Variants in RABGAP1L observed in about 807,000 individuals in gnomAD.
RABGAP1L encodes rab GTPase-activating protein 1-like.
A neutral mutation model predicts 137.7 loss-of-function variants in RABGAP1L; 63 were observed. That is an observed-to-expected ratio of 0.46 (90% confidence interval 0.37 to 0.56). RABGAP1L has a LOEUF of 0.56. Among genes scored for constraint, RABGAP1L ranks in the 20% least tolerant of loss-of-function variants. The probability of loss-of-function intolerance (pLI) is 0.00; values close to 1 mark genes in which losing one functional copy is unlikely to be tolerated. For synonymous variants in RABGAP1L, 431 were observed against 433.7 expected (o/e 0.99, Z 0.08); for missense variants, 1,095 against 1,244.0 (o/e 0.88, Z 1.80).
Position 174,338,075 on chromosome 1 carries a change from C to A in RABGAP1L, c.1466-32904C>A, listed in dbSNP as rs147863146. ...TAAGGGTATTATTTGGGCTCTTGACCTTTTTCTCTACAGATAACCAGTGGT... is the reference window on the plus strand; with the variant it reads ...TAAGGGTATTATTTGGGCTCTTGACATTTTTCTCTACAGATAACCAGTGGT... On this transcript the variant is annotated intron_variant, in intron 11 of 25. Coordinates refer to ENST00000681986, the MANE Select transcript of RABGAP1L (RefSeq NM_001366446.1). Among the ~76,000 whole-genome samples the A allele has an allele frequency of 6.7e-3, 1,026 of 152,182 alleles. 13 individuals carry two copies. Among genetic ancestry groups the A allele is most frequent in the African/African-American group, 0.023 (966 of 41,538 alleles).
At chr1:174,211,317 TA>T in intron 1 of RABGAP1L, among the ~76,000 whole-genome samples, 1 of 152,220 alleles carries the variant, frequency 6.6e-6, no homozygotes, top group South Asian at 2.1e-4. Context: ...AAGATATAAA[TA>T]GAAACAAGAA....
At chr1:174,223,661 T>G (rs991370052) in intron 3 of RABGAP1L, among the ~76,000 whole-genome samples, 2 of 152,136 alleles carry the variant, frequency 1.3e-5, no homozygotes, top group Non-Finnish European at 2.9e-5. Context: ...GAGTCAACCT[T>G]GAAAAGATGT....
chr1:174,619,671 G>C (rs1326048636), intron 13 of RABGAP1L, among the ~76,000 whole-genome samples: 1 of 152,154 alleles, frequency 6.6e-6, no homozygotes, highest in Non-Finnish European at 1.5e-5. Context: ...AACAGTACCA[G>C]CCACTGCAAA....
chr1:174,693,808 A>C (rs542257260), intron 15 of RABGAP1L, among the ~76,000 whole-genome samples: 1 of 152,330 alleles, frequency 6.6e-6, no homozygotes, highest in South Asian at 2.1e-4. Flanking sequence ...AACTGCACAA[A>C]TGCATCTATA....
At chr1:174,349,149 G>A in intron 11 of RABGAP1L, among the ~76,000 whole-genome samples, 1 of 132,852 alleles carries the variant, frequency 7.5e-6, no homozygotes, top group East Asian at 2.5e-4. Context: ...CGGGCAGAGG[G>A]GCTCCTCACT....
chr1:174,654,502 A>G (rs936079584), intron 14 of RABGAP1L, among the ~76,000 whole-genome samples: 3 of 152,280 alleles, frequency 2.0e-5, no homozygotes, highest in South Asian at 4.2e-4. Flanking sequence ...CATTTTGTAT[A>G]GTTCATGAGT....
chr1:174,218,983 C>T, intron 1 of RABGAP1L, 142 bp from the exon 2 acceptor site: 1 of 627,300 alleles, frequency 1.6e-6, no homozygotes, highest in South Asian at 2.3e-5. Flanking sequence ...AGAAGGTAGC[C>T]TCCCTAACTT....
At chr1:174,421,032 G>A (rs1014812274) in intron 13 of RABGAP1L, among the ~76,000 whole-genome samples, 6 of 152,110 alleles carry the variant, frequency 3.9e-5, no homozygotes, top group African/African-American at 1.4e-4. Flanking sequence ...AGCTCTTTAA[G>A]GACAAGATCC....
At chr1:174,334,240 C>T (rs1681281359) in intron 11 of RABGAP1L, among the ~76,000 whole-genome samples, 1 of 152,126 alleles carries the variant, frequency 6.6e-6, no homozygotes, top group African/African-American at 2.4e-5. Context: ...CAGTAAGTGG[C>T]GGCTTTTAGG....
chr1:174,693,213 G>A (rs887128544), intron 15 of RABGAP1L, among the ~76,000 whole-genome samples: 5 of 152,164 alleles, frequency 3.3e-5, no homozygotes, highest in Admixed American at 1.3e-4. Context: ...AATCAGATCC[G>A]CTGCTGTAAA....
chr1:174,944,474 C>T (rs940176841), intron 19 of RABGAP1L, among the ~76,000 whole-genome samples: 1 of 151,510 alleles, frequency 6.6e-6, no homozygotes, highest in Non-Finnish European at 1.5e-5. Flanking sequence ...TGAAACCCCA[C>T]CTCTACAAAG....
In RABGAP1L at chr1:174,561,668, C is replaced by A. The variant is rs1200309395; in HGVS notation, c.1711-75707C>A. Among the ~76,000 whole-genome samples, 3 of 152,230 alleles carry A rather than the reference C, an allele frequency of 2.0e-5. No individual in the cohort carries two copies. The East Asian group carries it at 5.8e-4, about 29-fold the overall frequency. On this transcript the variant is annotated intron_variant, in intron 13 of 25. Coordinates refer to ENST00000681986, the MANE Select transcript of RABGAP1L (RefSeq NM_001366446.1). ...ACTGGTACCAAAACAGATACATAGA[C>A]CAATGGAACAGAACAGAGGCCTCAG...
intron 12 of RABGAP1L, among the ~76,000 whole-genome samples, chr1:174,376,756 C>G (rs1435316012): frequency 6.6e-6 from 1 of 152,144 alleles, no homozygotes; most frequent in African/African-American, 2.4e-5. Flanking sequence ...CAGCTAACAT[C>G]TAACTTAAGA....
intron 11 of RABGAP1L, among the ~76,000 whole-genome samples, chr1:174,362,232 TG>T (rs1684211571): frequency 6.6e-6 from 1 of 152,232 alleles, no homozygotes; most frequent in African/African-American, 2.4e-5. Context: ...TGAATCGTTT[TG>T]CAGTGAACAT....
chr1:174,180,327 G>T (rs953639588), intron 1 of RABGAP1L, among the ~76,000 whole-genome samples: 3 of 152,176 alleles, frequency 2.0e-5, no homozygotes, highest in Admixed American at 6.5e-5. Flanking sequence ...CTTTACTGCC[G>T]CTTTATATGT....
intron 13 of RABGAP1L, among the ~76,000 whole-genome samples, chr1:174,412,225 ATTTG>A (rs1432215113): frequency 6.6e-6 from 1 of 151,968 alleles, no homozygotes; most frequent in Non-Finnish European, 1.5e-5. Context: ...TAATACCTTT[ATTTG>A]TTCACTTTTA....
chr1:174,350,628 C>G, intron 11 of RABGAP1L, among the ~76,000 whole-genome samples: 1 of 57,018 alleles, frequency 1.8e-5, no homozygotes, highest in East Asian at 7.0e-4. Context: ...GGCAGAGGGG[C>G]TCCTCACATC....
intron 13 of RABGAP1L, among the ~76,000 whole-genome samples, chr1:174,413,444 T>C (rs1231954929): frequency 6.6e-6 from 1 of 152,218 alleles, no homozygotes; most frequent in Non-Finnish European, 1.5e-5. Context: ...TTCTGTCATT[T>C]ATGAGTTTCC....
intron 1 of RABGAP1L, among the ~76,000 whole-genome samples, chr1:174,204,439 T>C (rs1668355482): frequency 6.6e-6 from 1 of 152,172 alleles, no homozygotes; most frequent in Non-Finnish European, 1.5e-5. Context: ...GGACTTCCAA[T>C]ACTATTTTTA....
Sources: allele counts gnomAD v4.1 joint callset (sites outside exome capture counted in the v4.1 genomes callset), GRCh38; gene constraint gnomAD v4.1.1; transcripts MANE v1.5; gene names NCBI Gene and HGNC (gene_info 2026-07-23, HGNC 2026-07-21).